Variants in RFC2 observed in about 807,000 individuals in gnomAD.
RFC2 encodes A1 40 kDa subunit.
A neutral mutation model predicts 44.8 loss-of-function variants in RFC2; 34 were observed. The ratio of observed to expected loss-of-function variants is 0.76; its 90% confidence interval spans 0.58 to 1.01. The LOEUF is 1.01. Ranked by LOEUF, RFC2 falls within the 50% of genes least tolerant of loss-of-function variation. RFC2 has a pLI of 0.00. For synonymous variants in RFC2, 177 were observed against 168.9 expected (o/e 1.05, Z -0.37); for missense variants, 400 against 453.6 (o/e 0.88, Z 1.07).
At chr7:74,252,718 TG>T (rs1787040195) in intron 1 of RFC2, among the ~76,000 whole-genome samples, 1 of 152,074 alleles carries the variant, frequency 6.6e-6, no homozygotes, top group Non-Finnish European at 1.5e-5. Context: ...GTGGATCAAT[TG>T]AGGTCAGGAG....
At chr7:74,245,869 T>C (rs1449681841) in intron 5 of RFC2, among the ~76,000 whole-genome samples, 1 of 151,970 alleles carries the variant, frequency 6.6e-6, no homozygotes, top group Non-Finnish European at 1.5e-5. Flanking sequence ...GAGACCAGCC[T>C]GGCCAACATG....
chr7:74,233,917 TATC>T, intron 10 of RFC2: 1 of 456,066 alleles, frequency 2.2e-6, no homozygotes, highest in South Asian at 1.5e-5. Flanking sequence ...AACATACACT[TATC>T]ATTTTCCCAG....
At chr7:74,252,548 C>T in intron 1 of RFC2, 50 bp from the exon 2 acceptor site, 4 of 1,045,488 alleles carry the variant, frequency 3.8e-6, no homozygotes, top group Non-Finnish European at 6.0e-6. Flanking sequence ...TCACACTACC[C>T]CACAAAAAGC....
intron 4 of RFC2, among the ~76,000 whole-genome samples, chr7:74,247,312 G>A (rs1261795251): frequency 6.6e-6 from 1 of 151,784 alleles, no homozygotes; most frequent in Non-Finnish European, 1.5e-5. Context: ...AAAATTGAGA[G>A]GAGGACTCTT....
At position 74,239,971 on chromosome 7, in the gene RFC2, G is replaced by A; in HGVS notation, c.660C>T (p.Ala220=). The A allele has an allele frequency of 6.2e-7, 1 of 1,612,110 alleles. No homozygotes were observed. Among genetic ancestry groups the A allele is most frequent in the Non-Finnish European group, 8.5e-7 (1 of 1,179,134 alleles). The part of the protein sequence containing the change: ...RVPYTDDGLE[A]IIFTAQGDMR... Reference sequence around the variant, plus strand: ...TGTCTCCCTGGGCCGTGAAGATGATGGCTTCTAGGCCGTCATCAGTGTAGG... The same window carrying A: ...TGTCTCCCTGGGCCGTGAAGATGATAGCTTCTAGGCCGTCATCAGTGTAGG... The change falls in exon 7 of 11, where the codon GCC becomes GCT. Residue 220 remains alanine (A), a synonymous_variant. Coordinates refer to ENST00000055077, the MANE Select transcript of RFC2 (RefSeq NM_181471.3).
intron 10 of RFC2, chr7:74,233,940 C>G (rs1802869088): frequency 2.2e-6 from 1 of 453,762 alleles, no homozygotes; most frequent in Admixed American, 2.4e-5. Context: ...GGCAATTTCA[C>G]CCCTGGGAAC....
chr7:74,239,804 G>A (rs1242064612), intron 7 of RFC2, 134 bp downstream of exon 7: 7 of 846,636 alleles, frequency 8.3e-6, no homozygotes, highest in Non-Finnish European at 1.3e-5. Context: ...ACAGCCCACT[G>A]TCCCAGGAGG....
intron 5 of RFC2, among the ~76,000 whole-genome samples, chr7:74,245,777 C>G (rs1469605128): frequency 7.1e-6 from 1 of 140,192 alleles, no homozygotes; most frequent in Non-Finnish European, 1.6e-5. Context: ...AAAAAATTTA[C>G]AGGCCAGGCA....
At chr7:74,251,565 C>G (rs1003468246) in intron 2 of RFC2, among the ~76,000 whole-genome samples, 3 of 152,034 alleles carry the variant, frequency 2.0e-5, no homozygotes, top group African/African-American at 7.2e-5. Context: ...TTTGGGAGGC[C>G]GAGGCAGGCG....
At chr7:74,249,957 G>T in intron 2 of RFC2, 177 bp from the exon 3 acceptor site, 1 of 646,024 alleles carries the variant, frequency 1.5e-6, no homozygotes. Flanking sequence ...CCTGAGGCCA[G>T]CCTGGGCAAC....
intron 6 of RFC2, among the ~76,000 whole-genome samples, chr7:74,241,274 C>T (rs1803316319): frequency 6.6e-6 from 1 of 152,178 alleles, no homozygotes; most frequent in Admixed American, 6.5e-5. Context: ...TCATTGCTGG[C>T]ATCTGCAAAG....
rs782360625 is a variant in RFC2 at position 74,239,889 on chromosome 7, G to T, written c.693+49C>A. 7 of 1,511,938 alleles carry T rather than the reference G, an allele frequency of 4.6e-6. No homozygotes were observed. In the South Asian group the frequency reaches 7.4e-5, roughly 16 times the overall value. The allele number at this position is 1,511,938 out of a possible 1,614,324, so 93.7% of individuals were successfully genotyped here. ...TTCCCTCCCCTTCCCCATGGAAGGG[G>T]CATGGCAGGCACAGGATGCCCACGC... On this transcript the variant is annotated intron_variant, in intron 7 of 10. Transcript: ENST00000055077.
intron 9 of RFC2, among the ~76,000 whole-genome samples, chr7:74,235,963 G>A (rs969720899): frequency 3.9e-5 from 6 of 152,098 alleles, no homozygotes; most frequent in Non-Finnish European, 5.9e-5. Flanking sequence ...CCAGCCTATC[G>A]CAAATGTGTT....
intron 6 of RFC2, among the ~76,000 whole-genome samples, chr7:74,242,138 G>A (rs1584253339): frequency 1.3e-5 from 2 of 152,136 alleles, no homozygotes; most frequent in East Asian, 1.9e-4. Flanking sequence ...GGAGCTTCCC[G>A]GAGGCAACAA....
chr7:74,251,868 T>C (rs1194496123), intron 2 of RFC2, among the ~76,000 whole-genome samples: 31 of 105,154 alleles, frequency 2.9e-4, no homozygotes, highest in African/African-American at 3.4e-4. Flanking sequence ...GAGGCCGAGG[T>C]GGGCAGATCA....
At chr7:74,241,623 G>A (rs995482046) in intron 6 of RFC2, among the ~76,000 whole-genome samples, 1 of 152,192 alleles carries the variant, frequency 6.6e-6, no homozygotes, top group African/African-American at 2.4e-5. Flanking sequence ...AATGAAAAAT[G>A]AGGAAAGAGG....
intron 9 of RFC2, among the ~76,000 whole-genome samples, chr7:74,236,213 C>T (rs544015264): frequency 9.9e-5 from 15 of 151,998 alleles, no homozygotes; most frequent in South Asian, 6.2e-4. Context: ...CAGGCTGCAG[C>T]GTCTGGAGGC....
At chr7:74,233,869 C>G (rs1195644099) in intron 10 of RFC2, 2 of 456,464 alleles carry the variant, frequency 4.4e-6, no homozygotes, top group East Asian at 1.4e-4. Context: ...GTGCTGCAGC[C>G]ACTTCGGAAA....
Position 74,240,032 on chromosome 7 carries a change from G to C in RFC2, c.599C>G (p.Thr200Ser). 4 of 1,614,080 alleles carry C rather than the reference G, an allele frequency of 2.5e-6. No homozygotes were observed. Among genetic ancestry groups the C allele is most frequent in the Non-Finnish European group, 3.4e-6 (4 of 1,179,972 alleles). Residue 200 changes from threonine to serine, a missense_variant, in exon 7 of 11, where the codon ACC (threonine) becomes AGC (serine). Thr to Ser is a moderately conservative substitution (Grantham distance 58). Transcript: ENST00000055077. ...YTKLTDAQIL[T>S]RLMNVIEKER... The stretch of plus-strand genomic sequence containing the variant: ...CTTCTCGATAACATTCATCAGCCTG[G>C]TGAGGATCTGGGCGTCGGTCAGCTT...
Sources: allele counts gnomAD v4.1 joint callset (sites outside exome capture counted in the v4.1 genomes callset), GRCh38; gene constraint gnomAD v4.1.1; transcripts MANE v1.5; gene names NCBI Gene and HGNC (gene_info 2026-07-23, HGNC 2026-07-21).